AFAP1: variants seen among roughly 807,000 people sequenced by gnomAD.
AFAP1 encodes the protein actin filament-associated protein 1.
In AFAP1, 75 loss-of-function variants were observed where a neutral mutation model predicts 93.9. The ratio of observed to expected loss-of-function variants is 0.80; its 90% CI spans 0.66 to 0.97. The LOEUF is 0.97. Ranked by LOEUF, AFAP1 falls within the 50% of genes least tolerant of loss-of-function variation. The pLI is 0.00. For missense variants in AFAP1, 1,201 were observed against 1,050.8 expected, an observed-to-expected ratio of 1.14 and a Z score of -1.98; for synonymous variants, 517 against 430.7, an observed-to-expected ratio of 1.20 and a Z score of -2.48.
chr4:7,835,091 G>A (rs375958445), intron 6 of AFAP1, among the ~76,000 whole-genome samples: 5 of 65,422 alleles, frequency 7.6e-5, no homozygotes, highest in Non-Finnish European at 1.1e-4. Context: ...CTGCCTTAAG[G>A]TTACCTGGGT....
intron 1 of AFAP1, among the ~76,000 whole-genome samples, chr4:7,930,665 C>A (rs1234117270): frequency 1.3e-5 from 2 of 152,188 alleles, no homozygotes. Flanking sequence ...ATGTTCCTAT[C>A]AGGAAATTAC....
chr4:7,910,284 A>G (rs533013514), intron 1 of AFAP1, among the ~76,000 whole-genome samples: 5 of 152,246 alleles, frequency 3.3e-5, no homozygotes, highest in Admixed American at 6.5e-5. Context: ...CTGGGAGTCA[A>G]AAGACTGGGG....
intron 1 of AFAP1, among the ~76,000 whole-genome samples, chr4:7,906,443 A>T (rs1286006447): frequency 6.6e-6 from 1 of 152,192 alleles, no homozygotes; most frequent in African/African-American, 2.4e-5. Context: ...CAGAGTTAAG[A>T]CTACAGCATT....
chr4:7,767,645 G>C (rs1714793099), intron 17 of AFAP1, among the ~76,000 whole-genome samples: 1 of 152,156 alleles, frequency 6.6e-6, no homozygotes, highest in African/African-American at 2.4e-5. Context: ...GAGGACCACT[G>C]TTCTGGGAGG....
chr4:7,801,914 C>CAAAAAAAAAAAAA lies in AFAP1; in HGVS notation c.1055-1274_1055-1262dup, dbSNP rs531684652. Among the ~76,000 whole-genome samples the CAAAAAAAAAAAAA allele has an allele frequency of 1.4e-3, 90 of 65,196 alleles. 2 individuals are homozygous for CAAAAAAAAAAAAA. Among genetic ancestry groups the CAAAAAAAAAAAAA allele is most frequent in the East Asian group, 3.7e-3 (4 of 1,070 alleles). 42.8% of individuals were successfully genotyped at this position (65,196 alleles called of 152,430 possible). A position where few individuals can be genotyped will look rare whatever the true frequency, so the allele number is the denominator to read the frequency against. ...TGAGCAACACAGTGAGACCCTATCA[C>CAAAAAAAAAAAAA]AAAAAAAAAAAAAAAAAAAAAAAAA... On this transcript the variant is annotated intron_variant, in intron 9 of 17. Coordinates refer to ENST00000420658, the MANE Select transcript of AFAP1 (RefSeq NM_001134647.2).
chr4:7,842,064 A>G (rs2149112967), intron 5 of AFAP1, among the ~76,000 whole-genome samples: 1 of 152,284 alleles, frequency 6.6e-6, no homozygotes, highest in Non-Finnish European at 1.5e-5. Context: ...TCTTGTAGCC[A>G]TTATATCAGA....
At chr4:7,819,299 C>T (rs1560178592) in intron 6 of AFAP1, 128 bp from the exon 7 acceptor site, 1 of 760,756 alleles carries the variant, frequency 1.3e-6, no homozygotes, top group African/African-American at 1.8e-5. Flanking sequence ...GCACCTGGCT[C>T]TGAGTTCCAG....
chr4:7,888,756 T>C (rs28688265), intron 1 of AFAP1, among the ~76,000 whole-genome samples: 17,417 of 152,154 alleles, frequency 0.11, 1,162 homozygotes, highest in Non-Finnish European at 0.16. Flanking sequence ...ACACACCTCA[T>C]GAACACAGAC....
chr4:7,819,191 T>C lies in AFAP1; in HGVS notation c.727-20A>G, dbSNP rs1290691524. The stretch of plus-strand genomic sequence containing the variant: ...GATCACCTATAAAAAGCACAGACAC[T>C]TTGTGAGTATGCCCAAAGGCAGAGA... On this transcript the variant is annotated intron_variant, in intron 6 of 17. Coordinates refer to ENST00000420658, the MANE Select transcript of AFAP1 (RefSeq NM_001134647.2). The C allele has an allele frequency of 3.1e-6, 5 of 1,591,092 alleles. No homozygotes were observed. Among genetic ancestry groups the C allele is most frequent in the Non-Finnish European group, 4.3e-6 (5 of 1,167,518 alleles).
At position 7,838,535 on chromosome 4, in the gene AFAP1, G is replaced by C; in HGVS notation, c.715C>G (p.Gln239Glu). ...AGCAGACAACCTACCTTCAGCCACT[G>C]CTCGGCCTGTTCCTTGCTCTGGACG... ...LAVQSKEQAEQWLKVIKEAYS... is the reference protein window; with the variant it reads ...LAVQSKEQAEEWLKVIKEAYS... Residue 239 changes from glutamine to glutamate, a missense_variant, in exon 6 of 18, where the codon CAG (glutamine) becomes GAG (glutamate). Coordinates refer to ENST00000420658, the MANE Select transcript of AFAP1 (RefSeq NM_001134647.2). 6.2e-7 allele frequency: 1 copy of C among 1,613,618 alleles called. No individual in the cohort carries two copies. The highest frequency in any genetic ancestry group is 8.5e-7 in the Non-Finnish European group (1 of 1,179,752).
chr4:7,843,027 C>G (rs28628836), intron 5 of AFAP1, 112 bp downstream of exon 5: 554,825 of 1,238,388 alleles, frequency 0.45, 136,725 homozygotes, highest in Non-Finnish European at 0.52. Flanking sequence ...CTGGCTGACA[C>G]CTGAGTGCTG....
Position 7,857,987 on chromosome 4 carries a change from GA to G in AFAP1, c.226-2414del, listed in dbSNP as rs766596652. 4.6e-5 allele frequency among the ~76,000 whole-genome samples: 7 copies of G among 152,078 alleles called. No individual in the cohort carries two copies. In the South Asian group the frequency reaches 8.3e-4, roughly 18 times the overall value. On this transcript the variant is annotated intron_variant, in intron 3 of 17. Transcript: ENST00000420658. Reference sequence around the variant, plus strand: ...GAAACATATGTCAAAAACCACATATGAAAAAAACCACATAAGGATGTTCAAT... The same window carrying G: ...GAAACATATGTCAAAAACCACATATGAAAAAACCACATAAGGATGTTCAAT...
At chr4:7,882,257 A>G (rs1717894583) in intron 1 of AFAP1, among the ~76,000 whole-genome samples, 1 of 152,172 alleles carries the variant, frequency 6.6e-6, no homozygotes. Flanking sequence ...AATTTACCAG[A>G]ATTACCCTCA....
At chr4:7,814,261 A>T (rs907535141) in intron 8 of AFAP1, among the ~76,000 whole-genome samples, 1 of 152,256 alleles carries the variant, frequency 6.6e-6, no homozygotes. Context: ...AAACATATTT[A>T]AAAATGTTCA....
chr4:7,845,819 G>C (rs1713618724), intron 4 of AFAP1, among the ~76,000 whole-genome samples: 1 of 152,114 alleles, frequency 6.6e-6, no homozygotes, highest in African/African-American at 2.4e-5. Context: ...ATGTCAACTG[G>C]ATACCGGGGC....
intron 6 of AFAP1, among the ~76,000 whole-genome samples, chr4:7,831,279 C>T (rs562479044): frequency 1.3e-5 from 2 of 151,448 alleles, no homozygotes; most frequent in Non-Finnish European, 2.9e-5. Flanking sequence ...ATTATATGTA[C>T]TGGAAGTAAC....
chr4:7,764,832 G>C (rs1033771744), intron 17 of AFAP1, among the ~76,000 whole-genome samples: 4 of 152,118 alleles, frequency 2.6e-5, no homozygotes, highest in Admixed American at 2.6e-4. Context: ...GGTAGGTGCA[G>C]GGCTCATGCC....
chr4:7,771,156 A>G (rs564938374), intron 16 of AFAP1, among the ~76,000 whole-genome samples: 1 of 152,362 alleles, frequency 6.6e-6, no homozygotes, highest in Admixed American at 6.5e-5. Context: ...GATAAGCTCC[A>G]TGAAACAGGG....
intron 11 of AFAP1, among the ~76,000 whole-genome samples, chr4:7,788,306 G>T (rs114867517): frequency 0.012 from 1,807 of 152,340 alleles, 29 homozygotes; most frequent in African/African-American, 0.041. Context: ...AGAAACACAG[G>T]GGCAAGTGAA....
Sources: gnomAD v4.1 joint callset for allele counts (sites outside exome capture counted in the v4.1 genomes callset) on GRCh38, gnomAD v4.1.1 for gene constraint, MANE v1.5 for transcripts, NCBI Gene and HGNC (gene_info 2026-07-23, HGNC 2026-07-21) for gene names.